Variants in ACYP2 observed in about 807,000 individuals in gnomAD.
ACYP2 encodes acylphosphatase 2.
In ACYP2, 12 loss-of-function variants were observed where a neutral mutation model predicts 11.2. That is an observed-to-expected ratio of 1.08 (90% CI 0.69 to 1.74). The LOEUF is 1.74. Among genes scored for constraint, ACYP2 ranks in the 40% most tolerant of loss-of-function variants. The pLI, the probability that ACYP2 is intolerant of heterozygous loss-of-function variation, is 0.00. For synonymous variants in ACYP2, 43 were observed against 32.2 expected (o/e 1.33, Z -1.13); for missense variants, 134 against 101.9 (o/e 1.31, Z -1.35).
intron 6 of ACYP2, among the ~76,000 whole-genome samples, chr2:54,284,650 T>A (rs984684781): frequency 5.3e-5 from 8 of 152,180 alleles, no homozygotes; most frequent in East Asian, 1.9e-4. Context: ...AATTGTTTTT[T>A]AAAAGATGTC....
At chr2:54,087,549 C>T (rs566948355) in intron 4 of ACYP2, among the ~76,000 whole-genome samples, 58 of 152,124 alleles carry the variant, frequency 3.8e-4, no homozygotes, top group Non-Finnish European at 7.6e-4. Flanking sequence ...TGGGGTTTCA[C>T]CACATTGCCC....
chr2:54,124,161 A>G (rs1182944371), intron 4 of ACYP2, among the ~76,000 whole-genome samples: 2 of 152,242 alleles, frequency 1.3e-5, no homozygotes, highest in African/African-American at 2.4e-5. Context: ...CCGTAACCAA[A>G]AACAACCTAA....
At chr2:53,981,152 T>G (rs773845293) in intron 2 of ACYP2, among the ~76,000 whole-genome samples, 13 of 152,204 alleles carry the variant, frequency 8.5e-5, no homozygotes, top group Non-Finnish European at 1.9e-4. Flanking sequence ...CCTGTAGTAT[T>G]CAGTACGGAC....
intron 2 of ACYP2, among the ~76,000 whole-genome samples, chr2:53,983,141 C>G (rs1010969560): frequency 1.3e-5 from 2 of 152,034 alleles, no homozygotes; most frequent in African/African-American, 2.4e-5. Context: ...AAGGCCTAGA[C>G]CAAATTCTTT....
At chr2:54,184,762 G>T in intron 6 of ACYP2, among the ~76,000 whole-genome samples, 1 of 152,084 alleles carries the variant, frequency 6.6e-6, no homozygotes, top group East Asian at 1.9e-4. Context: ...TGAATAAATG[G>T]GAAGGGGTGC....
At chr2:54,243,471 CTTAT>C (rs557087991) in intron 6 of ACYP2, among the ~76,000 whole-genome samples, 3 of 152,064 alleles carry the variant, frequency 2.0e-5, no homozygotes, top group Non-Finnish European at 4.4e-5. Flanking sequence ...CATAGTCCAT[CTTAT>C]TTATTTATTT....
chr2:53,984,797 A>G (rs980543941), intron 2 of ACYP2, among the ~76,000 whole-genome samples: 4 of 151,830 alleles, frequency 2.6e-5, no homozygotes, highest in Non-Finnish European at 4.4e-5. Flanking sequence ...ACAAAACCCA[A>G]CATCTTAACA....
chr2:54,113,634 G>A (rs997546937), intron 4 of ACYP2, among the ~76,000 whole-genome samples: 1 of 152,080 alleles, frequency 6.6e-6, no homozygotes, highest in African/African-American at 2.4e-5. Context: ...GTACTAGTGG[G>A]GAAGGCACAC....
intron 6 of ACYP2, among the ~76,000 whole-genome samples, chr2:54,161,151 C>T (rs549411579): frequency 6.6e-5 from 10 of 152,272 alleles, no homozygotes; most frequent in Admixed American, 1.3e-4. Flanking sequence ...TTCAGAGCCA[C>T]TAAACTAGAG....
chr2:54,024,828 C>G (rs973224481), intron 2 of ACYP2, among the ~76,000 whole-genome samples: 3 of 152,050 alleles, frequency 2.0e-5, no homozygotes, highest in Middle Eastern at 3.2e-3. Context: ...GATCATATAC[C>G]TAGAAAACTG....
intron 4 of ACYP2, among the ~76,000 whole-genome samples, chr2:54,126,635 C>T (rs1334075833): frequency 2.3e-5 from 3 of 129,968 alleles, no homozygotes; most frequent in African/African-American, 5.5e-5. Flanking sequence ...CAAATTAGAA[C>T]TCTAAAACTC....
intron 2 of ACYP2, among the ~76,000 whole-genome samples, chr2:53,976,875 A>G (rs1671521157): frequency 6.6e-6 from 1 of 152,210 alleles, no homozygotes; most frequent in Non-Finnish European, 1.5e-5. Context: ...ACTAAAATGT[A>G]GCCAGATGTG....
At chr2:54,069,692 A>C (rs1676928133) in intron 4 of ACYP2, among the ~76,000 whole-genome samples, 1 of 152,092 alleles carries the variant, frequency 6.6e-6, no homozygotes, top group South Asian at 2.1e-4. Context: ...AAACAAAAAC[A>C]AAACAAAGCA....
chr2:54,207,344 ACTTCTATGTTGTAGT>A (rs1685119898), intron 6 of ACYP2, among the ~76,000 whole-genome samples: 1 of 151,838 alleles, frequency 6.6e-6, no homozygotes, highest in Admixed American at 6.6e-5. Flanking sequence ...AATGGTTAGA[ACTTCTATGTTGTAGT>A]CTGGAGGCAG....
chr2:53,973,312 G>T (rs1485558926), intron 1 of ACYP2, among the ~76,000 whole-genome samples: 1 of 152,146 alleles, frequency 6.6e-6, no homozygotes, highest in Non-Finnish European at 1.5e-5. Context: ...AAAAATAATG[G>T]GGTAGGGAGA....
intron 6 of ACYP2, chr2:54,143,107 T>A (rs1310297588): frequency 1.3e-5 from 2 of 152,238 alleles, no homozygotes; most frequent in East Asian, 3.8e-4. Context: ...GTTATGCAAT[T>A]AGTAAAAATG....
Position 54,019,609 on chromosome 2 carries a change from T to TTTATTATTATTATTATTA in ACYP2, c.63-31340_63-31323dup, listed in dbSNP as rs141725920. Reference sequence around the variant, plus strand: ...AGCCACCATTCCTGGCCCCTGTGCTTTTATTATTATTATTATTATTATTAT... The same window carrying TTTATTATTATTATTATTA: ...AGCCACCATTCCTGGCCCCTGTGCTTTTATTATTATTATTATTATTATTATTATTATTATTATTATTAT... On this transcript the variant is annotated intron_variant, in intron 2 of 6. Coordinates refer to ENST00000607452, the MANE Select transcript of ACYP2 (RefSeq NM_001320586.2). Among the ~76,000 whole-genome samples, 5 of 148,546 alleles carry TTTATTATTATTATTATTA rather than the reference T, an allele frequency of 3.4e-5. No individual in the cohort carries two copies. In the South Asian group the frequency reaches 6.5e-4, roughly 19 times the overall value.
chr2:53,977,234 AGACGGG>A (rs1671539299), intron 2 of ACYP2, among the ~76,000 whole-genome samples: 1 of 151,988 alleles, frequency 6.6e-6, no homozygotes, highest in Admixed American at 6.6e-5. Flanking sequence ...TTTTTAGTAG[AGACGGG>A]GTTTCACATT....
intron 6 of ACYP2, among the ~76,000 whole-genome samples, chr2:54,233,883 T>C (rs548827329): frequency 6.6e-6 from 1 of 152,320 alleles, no homozygotes; most frequent in Non-Finnish European, 1.5e-5. Flanking sequence ...ATAAGCTCTG[T>C]CAAGTTTAAG....
Sources: gnomAD v4.1 joint callset for allele counts (sites outside exome capture counted in the v4.1 genomes callset) on GRCh38, gnomAD v4.1.1 for gene constraint, MANE v1.5 for transcripts, NCBI Gene and HGNC (gene_info 2026-07-23, HGNC 2026-07-21) for gene names.